The following PDE1C variants were observed in gnomAD, a reference collection of about 807,000 sequenced individuals.
The protein encoded by PDE1C is phosphodiesterase 1C.
In PDE1C, 62 loss-of-function variants were observed where a neutral mutation model predicts 93.1. The ratio of observed to expected loss-of-function variants is 0.67; its 90% confidence interval spans 0.54 to 0.82. The LOEUF is 0.82. Among genes scored for constraint, PDE1C ranks in the 40% least tolerant of loss-of-function variants. PDE1C has a pLI of 0.00. For synonymous variants in PDE1C, 325 were observed against 310.1 expected (o/e 1.05, Z -0.50); for missense variants, 742 against 884.6 (o/e 0.84, Z 2.04).
At chr7:31,733,602 G>C in the PDE1C span, among the ~76,000 whole-genome samples, 1 of 152,130 alleles carries the variant, frequency 6.6e-6, no homozygotes, top group Non-Finnish European at 1.5e-5. Context: ...TTATATTCCT[G>C]CTGCCTGGAA....
At position 32,397,235 on chromosome 7, in the gene PDE1C, T is replaced by C. The variant is rs150103463; in HGVS notation, c.310+30587A>G. ...GATAAAGGGCCAATATCCTAATATA[T>C]TTTTAACTCTTAAAAATTGAGAGGG... On this transcript the variant is annotated intron_variant, in intron 1 of 1. Coordinates refer to the PDE1C transcript ENST00000672256. 2.2e-4 allele frequency among the ~76,000 whole-genome samples: 34 copies of C among 152,306 alleles called. No homozygotes were observed. In the East Asian group the frequency reaches 6.4e-3, roughly 29 times the overall value.
intron 2 of PDE1C, among the ~76,000 whole-genome samples, chr7:31,954,249 A>T (rs1203706917): frequency 1.3e-5 from 2 of 152,162 alleles, no homozygotes; most frequent in African/African-American, 4.8e-5. Flanking sequence ...CGGGACCAAG[A>T]ACCTTATCTC....
intron 2 of PDE1C, among the ~76,000 whole-genome samples, chr7:32,011,886 C>T (rs899051272): frequency 1.3e-5 from 2 of 152,218 alleles, no homozygotes; most frequent in East Asian, 3.9e-4. Context: ...ATGTTCTTAG[C>T]AACTATATTC....
At chr7:31,624,653 T>C in the PDE1C span, among the ~76,000 whole-genome samples, 1 of 149,052 alleles carries the variant, frequency 6.7e-6, no homozygotes, top group African/African-American at 2.5e-5. Context: ...ACGTTAGACC[T>C]AAAACCATAA....
chr7:32,298,558 A>T, intron 1 of PDE1C: 5 of 1,404,512 alleles, frequency 3.6e-6, no homozygotes, highest in Non-Finnish European at 4.9e-6. Flanking sequence ...CCGACCCCTG[A>T]GCTCCCCCTG....
intron 1 of PDE1C, among the ~76,000 whole-genome samples, chr7:32,405,543 G>T (rs532710444): frequency 6.6e-6 from 1 of 152,082 alleles, no homozygotes; most frequent in African/African-American, 2.4e-5. Context: ...CACCGTGCCC[G>T]GCCTAACTTG....
At chr7:31,842,936 C>T (rs1043447624) in intron 9 of PDE1C, among the ~76,000 whole-genome samples, 1 of 151,802 alleles carries the variant, frequency 6.6e-6, no homozygotes, top group African/African-American at 2.4e-5. Flanking sequence ...ATTGCATTTT[C>T]ATTCTTGATA....
intron 2 of PDE1C, among the ~76,000 whole-genome samples, chr7:31,982,124 T>C (rs1812469425): frequency 6.6e-6 from 1 of 152,220 alleles, no homozygotes; most frequent in African/African-American, 2.4e-5. Flanking sequence ...TAGAGTTATG[T>C]GGGCATGAAA....
At chr7:32,065,258 C>T (rs1029356319) in intron 1 of PDE1C, among the ~76,000 whole-genome samples, 1 of 152,162 alleles carries the variant, frequency 6.6e-6, no homozygotes, top group Non-Finnish European at 1.5e-5. Flanking sequence ...TCCCTAAGAA[C>T]ATCTCAGAAA....
upstream of PDE1C, among the ~76,000 whole-genome samples, chr7:32,073,803 A>G (rs544707043): frequency 6.6e-4 from 100 of 152,322 alleles, no homozygotes; most frequent in African/African-American, 2.3e-3. Context: ...TTCTACTAGC[A>G]TTCTGCTCAG....
At chr7:31,800,696 A>C (rs1456163881) in intron 16 of PDE1C, among the ~76,000 whole-genome samples, 1 of 151,302 alleles carries the variant, frequency 6.6e-6, no homozygotes, top group Non-Finnish European at 1.5e-5. Flanking sequence ...TTCCTTTTTC[A>C]AAGTTGCTTT....
intron 1 of PDE1C, among the ~76,000 whole-genome samples, chr7:32,389,010 G>A (rs564367777): frequency 6.6e-5 from 10 of 152,238 alleles, no homozygotes; most frequent in South Asian, 2.1e-4. Flanking sequence ...ACAGCTAAAT[G>A]CATTGTATTC....
chr7:31,949,799 A>G (rs1032054160), intron 2 of PDE1C, among the ~76,000 whole-genome samples: 1 of 152,212 alleles, frequency 6.6e-6, no homozygotes, highest in African/African-American at 2.4e-5. Context: ...AGAGTGCTAC[A>G]TTCCCTGAAG....
intron 3 of PDE1C, among the ~76,000 whole-genome samples, chr7:32,167,458 G>T (rs1022973260): frequency 6.6e-6 from 1 of 152,150 alleles, no homozygotes; most frequent in African/African-American, 2.4e-5. Context: ...GTCATCACAA[G>T]GAAGAGGTAA....
chr7:31,762,033 C>A (rs548366145), intron 17 of PDE1C, among the ~76,000 whole-genome samples: 1 of 152,324 alleles, frequency 6.6e-6, no homozygotes, highest in South Asian at 2.1e-4. Context: ...CAATTTCCAT[C>A]CCTTTCCTCA....
intron 1 of PDE1C, among the ~76,000 whole-genome samples, chr7:32,213,508 G>A (rs1300039320): frequency 2.6e-5 from 4 of 152,202 alleles, no homozygotes; most frequent in African/African-American, 4.8e-5. Flanking sequence ...GCTGTCGCCC[G>A]GCTCGTCAAG....
At chr7:32,193,092 T>G (rs1415499992) in intron 2 of PDE1C, among the ~76,000 whole-genome samples, 1 of 152,194 alleles carries the variant, frequency 6.6e-6, no homozygotes, top group East Asian at 1.9e-4. Flanking sequence ...CCATGTCATC[T>G]GCAAAAGGGA....
At chr7:32,077,634 T>A (rs1374135150) in intron 3 of PDE1C, among the ~76,000 whole-genome samples, 1 of 150,414 alleles carries the variant, frequency 6.6e-6, no homozygotes, top group African/African-American at 2.4e-5. Flanking sequence ...TGCAGTGGTG[T>A]GATCTCGGCT....
At chr7:32,421,086 AACACACACAC>A (rs3079693) in intron 1 of PDE1C, among the ~76,000 whole-genome samples, 2 of 150,512 alleles carry the variant, frequency 1.3e-5, no homozygotes, top group Non-Finnish European at 3.0e-5. Context: ...GATTAAAACT[AACACACACAC>A]ACACACACAC....
Sources: gnomAD v4.1 joint callset for allele counts (sites outside exome capture counted in the v4.1 genomes callset) on GRCh38, gnomAD v4.1.1 for gene constraint, MANE v1.5 for transcripts, NCBI Gene and HGNC (gene_info 2026-07-23, HGNC 2026-07-21) for gene names.